The following COL11A1 variants were observed in gnomAD, a reference collection of about 807,000 sequenced individuals.
COL11A1 encodes the protein collagen alpha-1(XI) chain.
A neutral mutation model predicts 265.2 loss-of-function variants in COL11A1; 74 were observed. The observed-to-expected ratio is 0.28, with a 90% CI of 0.23 to 0.34. The LOEUF (loss-of-function observed/expected upper bound fraction) is 0.34, where lower values mean the gene tolerates loss of function less well. Ranked by LOEUF, COL11A1 falls within the 10% of genes least tolerant of loss-of-function variation. COL11A1 has a pLI of 1.00. For synonymous variants in COL11A1, 816 were observed against 727.6 expected (o/e 1.12, Z -1.96); for missense variants, 2,165 against 2,263.6 (o/e 0.96, Z 0.88).
chr1:102,878,994 C>A (rs574875429), intron 66 of COL11A1, among the ~76,000 whole-genome samples: 1 of 151,880 alleles, frequency 6.6e-6, no homozygotes, highest in Non-Finnish European at 1.5e-5. Context: ...AAGCTTTTCC[C>A]AACTCTTGCT....
At chr1:102,998,094 T>C (rs1199805284) in intron 25 of COL11A1, among the ~76,000 whole-genome samples, 1 of 151,468 alleles carries the variant, frequency 6.6e-6, no homozygotes, top group Non-Finnish European at 1.5e-5. Context: ...TGGCTTGGAG[T>C]GCCAAATGAG....
In COL11A1 at chr1:103,066,522, A is replaced by T. The variant is rs1330240382; in HGVS notation, c.651+8096T>A. Among the ~76,000 whole-genome samples the T allele has an allele frequency of 2.0e-5, 3 of 151,508 alleles. No individual in the cohort carries two copies. In the East Asian group the frequency reaches 5.8e-4, roughly 29 times the overall value. ...AATCCAATAAGTAAAACAAAATGGAATACTACAAAATATTCAAATAAACCC... is the reference window on the plus strand; with the variant it reads ...AATCCAATAAGTAAAACAAAATGGATTACTACAAAATATTCAAATAAACCC... On this transcript the variant is annotated intron_variant, in intron 4 of 66. Coordinates refer to ENST00000370096, the MANE Select transcript of COL11A1 (RefSeq NM_001854.4).
At chr1:103,070,951 A>G (rs1251275950) in intron 4 of COL11A1, among the ~76,000 whole-genome samples, 1 of 152,014 alleles carries the variant, frequency 6.6e-6, no homozygotes, top group East Asian at 1.9e-4. Flanking sequence ...AGTATTGGCC[A>G]TCTCAAACGC....
At chr1:103,077,985 T>C (rs1245346591) in intron 3 of COL11A1, among the ~76,000 whole-genome samples, 1 of 152,126 alleles carries the variant, frequency 6.6e-6, no homozygotes, top group Admixed American at 6.6e-5. Context: ...CCTTAGTACA[T>C]GGCACATATC....
chr1:102,937,595 G>C (rs934040234), intron 44 of COL11A1, among the ~76,000 whole-genome samples: 4 of 152,110 alleles, frequency 2.6e-5, no homozygotes, highest in African/African-American at 9.7e-5. Flanking sequence ...TTTCTTGAAG[G>C]AATGAATTAG....
At chr1:103,078,040 A>C (rs1672111865) in intron 3 of COL11A1, among the ~76,000 whole-genome samples, 1 of 152,130 alleles carries the variant, frequency 6.6e-6, no homozygotes, top group African/African-American at 2.4e-5. Flanking sequence ...TAATATTATT[A>C]GTAAAACGTA....
intron 28 of COL11A1, among the ~76,000 whole-genome samples, chr1:102,992,223 T>A (rs911154547): frequency 2.6e-5 from 4 of 152,170 alleles, no homozygotes; most frequent in Admixed American, 6.6e-5. Flanking sequence ...AAATGTCATT[T>A]TTTAGCAAGT....
chr1:103,070,892 G>A (rs1191527184), intron 4 of COL11A1, among the ~76,000 whole-genome samples: 1 of 151,744 alleles, frequency 6.6e-6, no homozygotes, highest in African/African-American at 2.4e-5. Flanking sequence ...AAGATATATG[G>A]ACACCATAAA....
intron 46 of COL11A1, among the ~76,000 whole-genome samples, chr1:102,931,179 G>T (rs1297005268): frequency 2.1e-5 from 3 of 143,776 alleles, no homozygotes; most frequent in Middle Eastern, 3.5e-3. Flanking sequence ...TTTTAATTGT[G>T]ATGTTAGGGT....
chr1:102,974,363 A>C (rs999791133), intron 36 of COL11A1, among the ~76,000 whole-genome samples: 1 of 152,198 alleles, frequency 6.6e-6, no homozygotes, highest in Non-Finnish European at 1.5e-5. Flanking sequence ...TTTTCTAAAA[A>C]GAAGGGATTA....
At chr1:103,077,154 G>T (rs1672037331) in intron 3 of COL11A1, among the ~76,000 whole-genome samples, 1 of 151,896 alleles carries the variant, frequency 6.6e-6, no homozygotes, top group Non-Finnish European at 1.5e-5. Context: ...TTACTACTGT[G>T]ATATATGTAA....
intron 57 of COL11A1, among the ~76,000 whole-genome samples, chr1:102,893,544 C>G (rs553461461): frequency 1.6e-4 from 24 of 152,168 alleles, no homozygotes; most frequent in Admixed American, 7.9e-4. Flanking sequence ...CTATTTTTCT[C>G]TTTCGGATAT....
chr1:102,994,292 G>A (rs560287740), intron 28 of COL11A1, among the ~76,000 whole-genome samples: 8 of 152,102 alleles, frequency 5.3e-5, no homozygotes, highest in African/African-American at 1.4e-4. Context: ...GGGACCTGGT[G>A]GGGGGTGATA....
At chr1:102,947,026 C>T in intron 41 of COL11A1, 70 bp from the exon 42 acceptor site, 2 of 1,228,718 alleles carry the variant, frequency 1.6e-6, no homozygotes, top group South Asian at 2.6e-5. Context: ...ACTTATTTAA[C>T]AATAGCTTCT....
At position 103,025,799 on chromosome 1, in the gene COL11A1, C is replaced by T. The variant is rs1667461680; in HGVS notation, c.898-186G>A. ...GATCTTGATTGCTTTTTCTTCGCTACCTTTACCCCTAGTTTGGCTTTTGCT... is the reference window on the plus strand; with the variant it reads ...GATCTTGATTGCTTTTTCTTCGCTATCTTTACCCCTAGTTTGGCTTTTGCT... On this transcript the variant is annotated intron_variant, in intron 6 of 66. Coordinates refer to ENST00000370096, the MANE Select transcript of COL11A1 (RefSeq NM_001854.4). The T allele has an allele frequency of 3.1e-6, 5 of 1,612,918 alleles. No individual in the cohort carries two copies. Among genetic ancestry groups the T allele is most frequent in the East Asian group, 2.2e-5 (1 of 44,826 alleles).
At position 103,026,266 on chromosome 1, in the gene COL11A1, T is replaced by C; in HGVS notation, c.847A>G (p.Ser283Gly). 1.9e-6 allele frequency: 3 copies of C among 1,613,844 alleles called. No individual in the cohort carries two copies. Among genetic ancestry groups the C allele is most frequent in the Non-Finnish European group, 2.5e-6 (3 of 1,179,722 alleles). ...YGEAEYKEAE[S>G]VTEGPTVTEE... ...GTTACAGTGGGTCCCTCTGTTACAC[T>C]TTCAGCCTCTTTATACTCTGCTTCC... Residue 283 changes from serine (S) to glycine (G), a missense_variant, in exon 6 of 67, where the codon AGT becomes GGT. Physicochemically the swap from Ser to Gly is moderately conservative, Grantham distance 56. Coordinates refer to ENST00000370096, the MANE Select transcript of COL11A1 (RefSeq NM_001854.4).
chr1:102,914,755 T>C lies in COL11A1; in HGVS notation c.3873A>G (p.Gly1291=). ...CTGGTGGCCCCTTGGCACCTGGAGG[T>C]CCAGCAGCTCCAGGTGGACCAGCTT... ...KGEAGPPGAA[G]PPGAKGPPGD... The change falls in exon 51 of 67, where the codon GGA becomes GGG. Residue 1291 remains glycine (G), a synonymous_variant. Coordinates refer to ENST00000370096, the MANE Select transcript of COL11A1 (RefSeq NM_001854.4). The C allele has an allele frequency of 6.2e-7, 1 of 1,612,806 alleles. No homozygotes were observed.
chr1:102,979,012 C>T (rs1311045449), intron 33 of COL11A1, 48 bp downstream of exon 33: 1 of 1,610,462 alleles, frequency 6.2e-7, no homozygotes, highest in Non-Finnish European at 8.5e-7. Context: ...TCTTGATACA[C>T]TAAATTCAAT....
chr1:102,914,376 AC>A lies in COL11A1; in HGVS notation c.3953del (p.Gly1318ValfsTer140), dbSNP rs1557812938. On this transcript the variant is annotated frameshift_variant, in exon 52 of 67. Coordinates refer to ENST00000370096, the MANE Select transcript of COL11A1 (RefSeq NM_001854.4). LOFTEE classifies it high-confidence loss of function. ...CTGCAGGGCCAGGTTCCCCAGGAGG[AC>A]CAGGATCTCCAGGAAAACCAACAGG... ...PGPVGFPGDP[G>X]PPGEPGPAGQ... 1 of 1,609,060 alleles carries A rather than the reference AC, an allele frequency of 6.2e-7. No individual in the cohort carries two copies. The highest frequency in any genetic ancestry group is 8.5e-7 in the Non-Finnish European group (1 of 1,176,932).
Sources: gnomAD v4.1 joint callset for allele counts (sites outside exome capture counted in the v4.1 genomes callset) on GRCh38, gnomAD v4.1.1 for gene constraint, MANE v1.5 for transcripts, NCBI Gene and HGNC (gene_info 2026-07-23, HGNC 2026-07-21) for gene names.